SSBP3: variants seen among roughly 807,000 people sequenced by gnomAD.
SSBP3 encodes single-stranded DNA-binding protein 3.
SSBP3 carries 5 observed loss-of-function variants against 69.6 expected under a neutral mutation model. The ratio of observed to expected loss-of-function variants is 0.07; its 90% CI spans 0.04 to 0.15. The LOEUF (loss-of-function observed/expected upper bound fraction) is 0.15, where lower values mean the gene tolerates loss of function less well. SSBP3 is among the 10% of genes least tolerant of loss of function. The probability of loss-of-function intolerance (pLI) is 1.00; values close to 1 mark genes in which losing one functional copy is unlikely to be tolerated. For synonymous variants in SSBP3, 196 were observed against 193.4 expected, an observed-to-expected ratio of 1.01 and a Z score of -0.11; for missense variants, 312 against 534.0, an observed-to-expected ratio of 0.58 and a Z score of 4.10.
rs1255653304 is a variant in SSBP3, at chr1:54,258,032, G to A, written c.447+37C>T. On this transcript the variant is annotated intron_variant, in intron 6 of 17. Transcript: ENST00000610401. This position sits in a 1 kb window ranked among gnomAD's most constrained non-coding sequence, Gnocchi z 4.5. ...GGGCTCTCTGCTTCCTCCGCGCCCC[G>A]CGTCCCCGGCGGGCGGGAGCGCCAC... 1.7e-5 allele frequency: 26 copies of A among 1,554,676 alleles called. No homozygotes were observed. The highest frequency in any genetic ancestry group is 2.1e-5 in the Non-Finnish European group (24 of 1,148,748).
chr1:54,240,047 G>GGTGTGTGTGTGTGTGTGTGTGTGT (rs71066910), intron 13 of SSBP3, among the ~76,000 whole-genome samples: 38 of 77,728 alleles, frequency 4.9e-4, no homozygotes, highest in Non-Finnish European at 8.0e-4. Context: ...ATTGTGATGG[G>GGTGTGTGTGTGTGTGTGTGTGTGT]GTGTGTGTGT....
In SSBP3 at chr1:54,406,031, G is replaced by A. The variant is rs1414160452; in HGVS notation, c.-23C>T. On this transcript the variant is annotated 5_prime_UTR_variant, in exon 1 of 18. Transcript: ENST00000610401. Reference sequence around the variant, plus strand: ...CATGGTTTGCAGGGAAGAGGGCGCCGAGCCTCGCCGCCGCCGCCGCCGCCG... The same window carrying A: ...CATGGTTTGCAGGGAAGAGGGCGCCAAGCCTCGCCGCCGCCGCCGCCGCCG... 10 of 1,335,986 alleles carry A rather than the reference G, an allele frequency of 7.5e-6. No individual in the cohort carries two copies. In the East Asian group the frequency reaches 1.0e-4, roughly 14 times the overall value. 82.8% of individuals were successfully genotyped at this position (1,335,986 alleles called of 1,614,324 possible). A position where few individuals can be genotyped will look rare whatever the true frequency, so the allele number is the denominator to read the frequency against.
chr1:54,307,726 C>A (rs1645925814), intron 4 of SSBP3, among the ~76,000 whole-genome samples: 1 of 152,146 alleles, frequency 6.6e-6, no homozygotes, highest in Admixed American at 6.5e-5. Context: ...AAGATGGCGA[C>A]AAGAGTGACC....
At chr1:54,331,960 C>A (rs1019814717) in intron 4 of SSBP3, among the ~76,000 whole-genome samples, 1 of 152,222 alleles carries the variant, frequency 6.6e-6, no homozygotes, top group African/African-American at 2.4e-5. Flanking sequence ...GGCTCTTGCT[C>A]CCTTTCATGA....
At chr1:54,250,154 G>A (rs1644801664) in intron 9 of SSBP3, among the ~76,000 whole-genome samples, 2 of 152,370 alleles carry the variant, frequency 1.3e-5, no homozygotes, top group South Asian at 4.1e-4. Flanking sequence ...CTGCCAGGCA[G>A]GAAGGGGCCA....
chr1:54,332,965 C>T (rs1450410815), intron 4 of SSBP3, among the ~76,000 whole-genome samples: 1 of 152,176 alleles, frequency 6.6e-6, no homozygotes, highest in Non-Finnish European at 1.5e-5. Context: ...TCCTCCCACG[C>T]AGCATTGTTC....
chr1:54,402,497 C>T (rs918142637), intron 3 of SSBP3, among the ~76,000 whole-genome samples: 2 of 152,084 alleles, frequency 1.3e-5, no homozygotes, highest in Non-Finnish European at 1.5e-5. Flanking sequence ...TCCCAGAGCC[C>T]GCACCTCCAC....
intron 4 of SSBP3, 88 bp downstream of exon 4, chr1:54,401,773 C>A: frequency 2.5e-5 from 28 of 1,122,940 alleles, no homozygotes; most frequent in Non-Finnish European, 3.6e-5. Flanking sequence ...AAGACCACTG[C>A]GAACTGGCTG....
rs1449548494 is a variant in SSBP3 at position 54,240,260 on chromosome 1, G to A, written c.856+645C>T. On this transcript the variant is annotated intron_variant, in intron 13 of 17. Transcript: ENST00000610401. ...GATCACCTGAGGTCAGGAGTTCAAG[G>A]CCAGCCTGGGTACATGGTGAAACCC... Among the ~76,000 whole-genome samples, 1,166 of 151,102 alleles carry A rather than the reference G, an allele frequency of 7.7e-3. 16 individuals carry two copies. Among genetic ancestry groups the A allele is most frequent in the African/African-American group, 0.027 (1,095 of 40,860 alleles).
At chr1:54,238,073 G>T (rs1023040442) in intron 14 of SSBP3, 1 of 451,578 alleles carries the variant, frequency 2.2e-6, no homozygotes, top group Non-Finnish European at 4.7e-6. Context: ...CAGGATGTGG[G>T]GCTTTTTAGT....
intron 4 of SSBP3, among the ~76,000 whole-genome samples, chr1:54,313,791 G>C (rs919851465): frequency 2.6e-5 from 4 of 151,244 alleles, no homozygotes; most frequent in African/African-American, 9.7e-5. Flanking sequence ...TTTGAGACAA[G>C]AGTCTCACTC....
intron 9 of SSBP3, among the ~76,000 whole-genome samples, chr1:54,244,998 C>T (rs1434824059): frequency 2.0e-5 from 3 of 152,150 alleles, no homozygotes; most frequent in South Asian, 2.1e-4. Flanking sequence ...TCATATACCC[C>T]CCACCCCATG....
At chr1:54,369,103 A>C (rs895093424) in intron 4 of SSBP3, among the ~76,000 whole-genome samples, 1 of 152,076 alleles carries the variant, frequency 6.6e-6, no homozygotes, top group African/African-American at 2.4e-5. Flanking sequence ...TTCTGCTAAA[A>C]CGAAAAAAAG....
intron 4 of SSBP3, among the ~76,000 whole-genome samples, chr1:54,332,948 G>C (rs964092971): frequency 6.6e-6 from 1 of 151,950 alleles, no homozygotes; most frequent in Non-Finnish European, 1.5e-5. Context: ...ACACACACGC[G>C]TGCGCCTCCT....
At chr1:54,371,059 A>C (rs1647124619) in intron 4 of SSBP3, among the ~76,000 whole-genome samples, 1 of 152,144 alleles carries the variant, frequency 6.6e-6, no homozygotes, top group South Asian at 2.1e-4. Context: ...AGGAGCAACA[A>C]GACTGCTGCC....
chr1:54,255,519 G>C (rs918158361), intron 7 of SSBP3: 3 of 152,194 alleles, frequency 2.0e-5, no homozygotes, highest in African/African-American at 4.8e-5. Flanking sequence ...GGGTGGAGTA[G>C]AGTACAATTA....
At chr1:54,266,804 T>C (rs1436254624) in intron 5 of SSBP3, among the ~76,000 whole-genome samples, 1 of 152,118 alleles carries the variant, frequency 6.6e-6, no homozygotes, top group Non-Finnish European at 1.5e-5. Context: ...TGAATTTGGC[T>C]GTCACACCAA....
At chr1:54,400,359 C>T (rs1649210181) in intron 4 of SSBP3, among the ~76,000 whole-genome samples, 1 of 145,904 alleles carries the variant, frequency 6.9e-6, no homozygotes, top group Admixed American at 6.9e-5. Context: ...TGGCTGTTCA[C>T]AGGTTTAGGA....
At chr1:54,281,045 C>T (rs1179907410) in intron 5 of SSBP3, among the ~76,000 whole-genome samples, 1 of 152,116 alleles carries the variant, frequency 6.6e-6, no homozygotes, top group Non-Finnish European at 1.5e-5. Context: ...ATGACAAAAG[C>T]AGCAGCAACA....
Sources: gnomAD v4.1 joint callset for allele counts (sites outside exome capture counted in the v4.1 genomes callset) on GRCh38, gnomAD v4.1.1 for gene constraint, Gnocchi (gnomAD v3.1) non-coding constraint, MANE v1.5 for transcripts, NCBI Gene and HGNC (gene_info 2026-07-23, HGNC 2026-07-21) for gene names.